The following OOSP4B variants were observed in gnomAD, a reference collection of about 807,000 sequenced individuals.
OOSP4B encodes the protein oocyte-secreted protein 4B.
At position 60,026,586 on chromosome 11, in the gene OOSP4B, C is replaced by G. The variant is rs372094803; in HGVS notation, c.302+1581C>G. Reference sequence around the variant, plus strand: ...AACAAATTCTCACTATATCCTTATACTTCTTGAAGGGTGGAAAAGGTCAGA... The same window carrying G: ...AACAAATTCTCACTATATCCTTATAGTTCTTGAAGGGTGGAAAAGGTCAGA... On this transcript the variant is annotated intron_variant, in intron 3 of 4. Transcript: ENST00000642343. Among the ~76,000 whole-genome samples the G allele has an allele frequency of 3.7e-3, 558 of 152,272 alleles. 1 individual carries two copies. Among genetic ancestry groups the G allele is most frequent in the African/African-American group, 0.013 (521 of 41,548 alleles).
intron 1 of OOSP4B, among the ~76,000 whole-genome samples, chr11:60,021,209 A>T (rs1452405969): frequency 6.6e-6 from 1 of 152,222 alleles, no homozygotes; most frequent in Non-Finnish European, 1.5e-5. Flanking sequence ...TCATCTTGTT[A>T]TTAAAATGCA....
chr11:60,023,202 G>A (rs1349076713), intron 1 of OOSP4B, among the ~76,000 whole-genome samples: 1 of 152,156 alleles, frequency 6.6e-6, no homozygotes, highest in African/African-American at 2.4e-5. Flanking sequence ...GATTTTTGCA[G>A]CTGTGTAAAG....
At chr11:60,029,793 C>T in exon 4 of OOSP4B, 2 of 398,308 alleles carry the variant, frequency 5.0e-6, no homozygotes, top group Non-Finnish European at 4.4e-6. Flanking sequence ...CTTAAATTCC[C>T]CTCTGTGATG....
chr11:60,023,571 A>AT (rs1300892513), intron 1 of OOSP4B, among the ~76,000 whole-genome samples: 1 of 152,060 alleles, frequency 6.6e-6, no homozygotes, highest in Non-Finnish European at 1.5e-5. Flanking sequence ...AGTAGCTGGG[A>AT]TTACAGGGGC....
rs1190409128 is a variant in OOSP4B at position 60,025,226 on chromosome 11, T to C, written c.302+221T>C. ...TTTGCTAAACTTTGTTACACAATCA[T>C]TTCCCCATCTATCAATTTTGATGCA... On this transcript the variant is annotated intron_variant, in intron 3 of 4. Coordinates refer to ENST00000642343, the Ensembl canonical transcript of OOSP4B. Among the ~76,000 whole-genome samples the C allele has an allele frequency of 3.9e-5, 6 of 152,318 alleles. No homozygotes were observed. The East Asian group carries it at 9.6e-4, about 24-fold the overall frequency.
chr11:60,023,236 G>A lies in OOSP4B; in HGVS notation c.23-644G>A, dbSNP rs78736344. Among the ~76,000 whole-genome samples, 1,176 of 152,254 alleles carry A rather than the reference G, an allele frequency of 7.7e-3. 13 individuals are homozygous for A. The highest frequency in any genetic ancestry group is 0.026 in the African/African-American group (1,078 of 41,532). On this transcript the variant is annotated intron_variant, in intron 1 of 4. Coordinates refer to ENST00000642343, the Ensembl canonical transcript of OOSP4B. ...AGTACAGAGTAGCACAGCAGCCACC[G>A]CCCTCAAGGGGCTTTTGAGCACATG...
intron 1 of OOSP4B, chr11:60,019,469 G>T: frequency 6.1e-6 from 1 of 163,476 alleles, no homozygotes; most frequent in South Asian, 1.9e-4. Context: ...AGTTCTTAAA[G>T]GTGGCGTGTC....
chr11:60,026,017 A>G (rs534271230), intron 3 of OOSP4B, among the ~76,000 whole-genome samples: 1 of 151,922 alleles, frequency 6.6e-6, no homozygotes, highest in South Asian at 2.1e-4. Context: ...TCTTTTGTTC[A>G]TTTTTACTCT....
intron 1 of OOSP4B, chr11:60,022,295 C>T (rs993852689): frequency 2.0e-5 from 3 of 152,188 alleles, no homozygotes; most frequent in Non-Finnish European, 2.9e-5. Flanking sequence ...GACATTGTAC[C>T]ATAGTCCTGC....
At chr11:60,017,941 G>A (rs1424742914) in intron 1 of OOSP4B, among the ~76,000 whole-genome samples, 4 of 152,176 alleles carry the variant, frequency 2.6e-5, no homozygotes, top group Non-Finnish European at 5.9e-5. Flanking sequence ...TGAAGTTTGG[G>A]AAACAGTTGA....
intron 1 of OOSP4B, among the ~76,000 whole-genome samples, chr11:60,018,112 A>C (rs1034768370): frequency 6.6e-6 from 1 of 152,308 alleles, no homozygotes; most frequent in East Asian, 1.9e-4. Context: ...TTAGTGCTGG[A>C]ATTACCGTGA....
At chr11:60,029,657 T>G (rs568763245) in intron 3 of OOSP4B, 125 bp from the exon 4 acceptor site, 1 of 395,506 alleles carries the variant, frequency 2.5e-6, no homozygotes, top group South Asian at 1.4e-4. Context: ...CTACTTTGCC[T>G]TTCCTCCACA....
At chr11:60,019,504 G>C (rs1018090211) in intron 1 of OOSP4B, 1 of 156,266 alleles carries the variant, frequency 6.4e-6, no homozygotes, top group Non-Finnish European at 1.4e-5. Context: ...TCTGATGTTC[G>C]GATGTGTTCG....
intron 1 of OOSP4B, among the ~76,000 whole-genome samples, chr11:60,019,246 C>G (rs1371609635): frequency 6.6e-6 from 1 of 151,886 alleles, no homozygotes; most frequent in African/African-American, 2.4e-5. Flanking sequence ...AAAAAAATAA[C>G]CTAGTGCCTG....
chr11:60,030,394 T>C (rs780889845), intron 4 of OOSP4B, among the ~76,000 whole-genome samples: 8 of 152,196 alleles, frequency 5.3e-5, no homozygotes, highest in Non-Finnish European at 1.2e-4. Context: ...GAAAACACTC[T>C]TTTTAATCAG....
intron 3 of OOSP4B, among the ~76,000 whole-genome samples, chr11:60,028,175 T>C (rs1459155860): frequency 6.6e-6 from 1 of 151,566 alleles, no homozygotes; most frequent in East Asian, 1.9e-4. Flanking sequence ...GTTTTTTTTT[T>C]CTTTTTTTGA....
intron 1 of OOSP4B, among the ~76,000 whole-genome samples, chr11:60,018,809 A>T (rs1317773809): frequency 6.6e-6 from 1 of 152,154 alleles, no homozygotes; most frequent in Non-Finnish European, 1.5e-5. Context: ...CTCTATTACC[A>T]TTCCCTGAGA....
intron 3 of OOSP4B, among the ~76,000 whole-genome samples, chr11:60,026,327 G>C (rs764013613): frequency 6.6e-6 from 1 of 152,096 alleles, no homozygotes; most frequent in African/African-American, 2.4e-5. Flanking sequence ...TGTAAGAAAG[G>C]TCAAGATTCT....
chr11:60,021,914 G>T (rs1269730728), intron 1 of OOSP4B, among the ~76,000 whole-genome samples: 1 of 151,424 alleles, frequency 6.6e-6, no homozygotes, highest in Non-Finnish European at 1.5e-5. Context: ...AACCCAGGAG[G>T]TGGAGGTTGC....
Sources: gnomAD v4.1 joint callset for allele counts (sites outside exome capture counted in the v4.1 genomes callset) on GRCh38, gnomAD v4.1.1 for gene constraint, MANE v1.5 for transcripts, NCBI Gene and HGNC (gene_info 2026-07-23, HGNC 2026-07-21) for gene names.